GRPR: variants seen among roughly 807,000 people sequenced by gnomAD.
GRPR encodes gastrin-releasing peptide receptor.
In GRPR, 4 loss-of-function variants were observed where a neutral mutation model predicts 15.6. The ratio of observed to expected loss-of-function variants is 0.26; its 90% CI spans 0.13 to 0.59. The LOEUF is 0.59. Among genes scored for constraint, GRPR ranks in the 20% least tolerant of loss-of-function variants. The pLI is 0.90. For missense variants in GRPR, 270 were observed against 304.1 expected (o/e 0.89, Z 0.83); for synonymous variants, 128 against 126.8 (o/e 1.01, Z -0.06).
chrX:16,150,737 A>G (rs977282499), intron 2 of GRPR, 81 bp downstream of exon 2: 2 of 603,736 alleles, frequency 3.3e-6, no homozygotes, highest in African/African-American at 4.5e-5. Context: ...ACAAGCCATG[A>G]CACTTGAATC....
chrX:16,128,365 A>AT (rs928817068), intron 1 of GRPR, among the ~76,000 whole-genome samples: 44 of 110,862 alleles, frequency 4.0e-4, no homozygotes, highest in African/African-American at 1.3e-3. Flanking sequence ...AAATACAAAA[A>AT]TTAGCCGGGT....
At position 16,150,583 on chromosome X, in the gene GRPR, A is replaced by C; in HGVS notation, c.692A>C (p.Tyr231Ser). 8.3e-7 allele frequency: 1 copy of C among 1,199,524 alleles called. No homozygotes were observed. Among genetic ancestry groups the C allele is most frequent in the East Asian group, 3.0e-5 (1 of 33,808 alleles). ...IPLSIISVYY[Y>S]FIAKNLIQSA... is the part of the protein sequence containing the mutation. Reference sequence around the variant, plus strand: ...CTGTCGATCATCTCTGTTTACTACTACTTCATTGCTAAAAATCTGATCCAG... The same window carrying C: ...CTGTCGATCATCTCTGTTTACTACTCCTTCATTGCTAAAAATCTGATCCAG... Residue 231 changes from tyrosine to serine, a missense_variant, in exon 2 of 3, where the codon TAC (tyrosine) becomes TCC (serine). By Grantham distance (144) the Tyr-to-Ser change is moderately radical. This residue lies in a region of GRPR where 133 missense variants were observed against 123.4 expected (regional missense o/e 1.08). Transcript: ENST00000380289.
chrX:16,129,310 G>A (rs73446170), intron 1 of GRPR, among the ~76,000 whole-genome samples: 1,203 of 112,174 alleles, frequency 0.011, 32 homozygotes, highest in African/African-American at 0.037. Flanking sequence ...TAACTTGGTA[G>A]CCACTAACCA....
intron 1 of GRPR, among the ~76,000 whole-genome samples, chrX:16,148,741 T>C (rs910070735): frequency 1.8e-5 from 2 of 111,278 alleles, no homozygotes; most frequent in East Asian, 5.7e-4. Context: ...GACATACTCT[T>C]TGCCCACCAA....
Position 16,145,800 on chromosome X carries a change from A to G in GRPR, c.414-4505A>G, listed in dbSNP as rs750719480. On this transcript the variant is annotated intron_variant, in intron 1 of 2. Coordinates refer to ENST00000380289, the MANE Select transcript of GRPR (RefSeq NM_005314.3). ...TACCTGCCATGTACCTACAAAACTT[A>G]AAAATGGAAGAAGAAAGAAAAGACA... 1.3e-4 allele frequency among the ~76,000 whole-genome samples: 14 copies of G among 105,929 alleles called. 1 individual carries two copies. The South Asian group carries it at 5.2e-3, about 39-fold the overall frequency. The allele number at this position is 105,929 out of a possible 115,157, so 92.0% of individuals were successfully genotyped here. A position where few individuals can be genotyped will look rare whatever the true frequency, so the allele number is the denominator to read the frequency against.
At position 16,152,640 on chromosome X, in the gene GRPR, G is replaced by A; in HGVS notation, c.1150G>A (p.Val384Ile). The change falls in exon 3 of 3, where the codon GTC (valine) becomes ATC (isoleucine). Residue 384 changes from valine to isoleucine, a missense_variant. Physicochemically the swap from Val to Ile is conservative, Grantham distance 29 (BLOSUM62 3). Around this residue, in one of 3 missense-constraint regions of GRPR, gnomAD observed 133 missense variants for 123.4 expected, o/e 1.08. Transcript: ENST00000380289. ...TGGAAACATCTGTCACGAGCGGTAT[G>A]TCTAGATTGACCCTTGATTTTGCCC... is the stretch of plus-strand genomic sequence containing the variant. Reference protein sequence around the residue: ...INGNICHERYV With the variant: ...INGNICHERYI The A allele has an allele frequency of 8.3e-7, 1 of 1,208,371 alleles. No individual in the cohort carries two copies. The highest frequency in any genetic ancestry group is 1.8e-5 in the South Asian group (1 of 56,879).
chrX:16,140,832 C>T lies in GRPR; in HGVS notation c.414-9473C>T, dbSNP rs147437010. ...GCCTCGGGGTCTGTTTGGAGGTGAA[C>T]GACAATTTACAAAGGCAATTTATGA... On this transcript the variant is annotated intron_variant, in intron 1 of 2. Transcript: ENST00000380289. Among the ~76,000 whole-genome samples the T allele has an allele frequency of 6.6e-3, 736 of 111,505 alleles. 3 individuals are homozygous for T. Among genetic ancestry groups the T allele is most frequent in the African/African-American group, 9.5e-3 (292 of 30,665 alleles).
intron 1 of GRPR, 98 bp downstream of exon 1, chrX:16,124,464 GT>G (rs1390539121): frequency 1.3e-6 from 1 of 798,642 alleles, no homozygotes; most frequent in Non-Finnish European, 1.9e-6. Context: ...CACAAGGGAA[GT>G]TTTACTCAAA....
At chrX:16,149,270 C>T (rs1314849105) in intron 1 of GRPR, among the ~76,000 whole-genome samples, 1 of 111,632 alleles carries the variant, frequency 9.0e-6, no homozygotes, top group Non-Finnish European at 1.9e-5. Flanking sequence ...TAGTCATCCT[C>T]GCTGGTGTAG....
At chrX:16,146,209 G>T (rs777277203) in intron 1 of GRPR, among the ~76,000 whole-genome samples, 3 of 111,807 alleles carry the variant, frequency 2.7e-5, no homozygotes, top group African/African-American at 9.7e-5. Flanking sequence ...ACTTTAAAGG[G>T]TTATCACATC....
In GRPR at chrX:16,124,313, G is replaced by A; in HGVS notation, c.360G>A (p.Gln120=). The A allele has an allele frequency of 1.7e-6, 2 of 1,210,978 alleles. No individual in the cohort carries two copies. Among genetic ancestry groups the A allele is most frequent in the East Asian group, 3.0e-5 (1 of 33,852 alleles). ...GCTGCAAACTGATCCCCTTTATACA[G>A]CTTACCTCTGTTGGGGTGTCTGTCT... ...RIGCKLIPFI[Q]LTSVGVSVFT... is the part of the protein sequence containing the mutation. Residue 120 remains glutamine (Q), a synonymous_variant, in exon 1 of 3, where the codon CAG becomes CAA. Transcript: ENST00000380289.
intron 1 of GRPR, among the ~76,000 whole-genome samples, chrX:16,143,745 G>A (rs1922563481): frequency 8.9e-6 from 1 of 112,376 alleles, no homozygotes; most frequent in African/African-American, 3.2e-5. Flanking sequence ...AGTCCCTTCT[G>A]GAGGGTAGAA....
intron 1 of GRPR, among the ~76,000 whole-genome samples, chrX:16,131,330 C>T (rs910486623): frequency 8.9e-6 from 1 of 111,857 alleles, no homozygotes; most frequent in Non-Finnish European, 1.9e-5. Flanking sequence ...TTTTTATCTC[C>T]TAGTAATAAT....
intron 1 of GRPR, among the ~76,000 whole-genome samples, chrX:16,149,645 C>CAAAAAAAAAAAAAAAAA (rs575381418): frequency 1.6e-5 from 1 of 61,270 alleles, no homozygotes; most frequent in African/African-American, 6.4e-5. Context: ...AAGGTTTTGC[C>CAAAAAAAAAAAAAAAAA]AAAAAAAAAA....
intron 1 of GRPR, among the ~76,000 whole-genome samples, chrX:16,146,113 A>G (rs1922601437): frequency 1.8e-5 from 2 of 112,107 alleles, no homozygotes; most frequent in African/African-American, 6.5e-5. Context: ...CTTGAGTACA[A>G]TGAAAAGTGG....
At chrX:16,144,032 G>A (rs917439100) in intron 1 of GRPR, among the ~76,000 whole-genome samples, 1 of 111,731 alleles carries the variant, frequency 9.0e-6, no homozygotes, top group Non-Finnish European at 1.9e-5. Context: ...GAGCCCAGAG[G>A]AAACTAGAGT....
At chrX:16,124,434 T>C in intron 1 of GRPR, 68 bp downstream of exon 1, 1 of 1,000,453 alleles carries the variant, frequency 1.0e-6, no homozygotes, top group Non-Finnish European at 1.4e-6. Flanking sequence ...AACTACCATG[T>C]CGGGACAGGG....
Position 16,124,165 on chromosome X carries a change from T to G in GRPR, c.212T>G (p.Met71Arg). 8.3e-7 allele frequency: 1 copy of G among 1,209,500 alleles called. No individual in the cohort carries two copies. The highest frequency in any genetic ancestry group is 1.7e-5 in the African/African-American group (1 of 57,725). ...LIKIFCTVKS[M>R]RNVPNLFISS... ...AAGATCTTCTGTACAGTCAAGTCCATGCGAAACGTTCCAAACCTGTTCATT... is the reference window on the plus strand; with the variant it reads ...AAGATCTTCTGTACAGTCAAGTCCAGGCGAAACGTTCCAAACCTGTTCATT... The change falls in exon 1 of 3, where the codon ATG becomes AGG. Residue 71 changes from methionine (M) to arginine (R), a missense_variant. Around this residue, in one of 3 missense-constraint regions of GRPR, gnomAD observed 115 missense variants for 128.8 expected, o/e 0.89. Transcript: ENST00000380289.
chrX:16,139,857 T>C (rs942134537), intron 1 of GRPR, among the ~76,000 whole-genome samples: 2 of 112,435 alleles, frequency 1.8e-5, no homozygotes, highest in African/African-American at 6.5e-5. Flanking sequence ...ACCTATCTTC[T>C]AGTATTGTTA....
Sources: allele counts gnomAD v4.1 joint callset (sites outside exome capture counted in the v4.1 genomes callset), GRCh38; gene constraint gnomAD v4.1.1; regional missense constraint gnomAD v4.1.1; transcripts MANE v1.5; gene names NCBI Gene and HGNC (gene_info 2026-07-23, HGNC 2026-07-21).